The following ARMH3 variants were observed in gnomAD, a reference collection of about 807,000 sequenced individuals.
ARMH3 encodes armadillo-like helical domain-containing protein 3.
A neutral mutation model predicts 99.1 loss-of-function variants in ARMH3; 60 were observed. That is an observed-to-expected ratio of 0.61 (90% CI 0.49 to 0.75). ARMH3 has a LOEUF of 0.75. ARMH3 is among the 30% of genes least tolerant of loss of function. The pLI, the probability that ARMH3 is intolerant of heterozygous loss-of-function variation, is 0.00. For missense variants in ARMH3, 679 were observed against 843.1 expected (o/e 0.81, Z 2.41); for synonymous variants, 285 against 292.8 (o/e 0.97, Z 0.27).
chr10:102,033,395 G>T, intron 2 of ARMH3, 56 bp from the exon 3 acceptor site: 2 of 1,525,262 alleles, frequency 1.3e-6, no homozygotes, highest in South Asian at 2.3e-5. Context: ...AAAGCATTAA[G>T]AATACTATAC....
At chr10:101,861,851 C>T (rs1403436737) in intron 24 of ARMH3, among the ~76,000 whole-genome samples, 1 of 136,786 alleles carries the variant, frequency 7.3e-6, no homozygotes, top group Non-Finnish European at 1.5e-5. Context: ...GCTAACACAG[C>T]GAAACGCCAT....
Position 101,995,438 on chromosome 10 carries a change from T to C in ARMH3, c.1151-83A>G, listed in dbSNP as rs759018246. The C allele has an allele frequency of 1.9e-4, 219 of 1,164,558 alleles. 1 individual carries two copies. Among genetic ancestry groups the C allele is most frequent in the Non-Finnish European group, 2.6e-4 (208 of 797,374 alleles). The allele number at this position is 1,164,558 out of a possible 1,614,324, so 72.1% of individuals were successfully genotyped here. A position where few individuals can be genotyped will look rare whatever the true frequency, so the allele number is the denominator to read the frequency against. ...CAATACAGAACAAGGACGTATATCA[T>C]AAAAGGAAACATTCACACTTTCTCT... On this transcript the variant is annotated intron_variant, in intron 15 of 25. Coordinates refer to ENST00000370033, the MANE Select transcript of ARMH3 (RefSeq NM_024541.3).
intron 23 of ARMH3, among the ~76,000 whole-genome samples, chr10:101,925,294 T>A (rs1228590456): frequency 1.3e-5 from 2 of 152,238 alleles, no homozygotes; most frequent in African/African-American, 4.8e-5. Flanking sequence ...CAGTTCTAGA[T>A]GTCATTCAAT....
chr10:101,877,491 C>A (rs1194433139), intron 24 of ARMH3, among the ~76,000 whole-genome samples: 1 of 152,072 alleles, frequency 6.6e-6, no homozygotes, highest in Non-Finnish European at 1.5e-5. Context: ...GAAACCCCAT[C>A]TCTACTAAAA....
At chr10:101,916,365 C>T (rs1211603141) in intron 23 of ARMH3, among the ~76,000 whole-genome samples, 1 of 151,960 alleles carries the variant, frequency 6.6e-6, no homozygotes. Context: ...TACCCCCCAC[C>T]CCCATCCCAG....
At chr10:101,956,772 A>G in intron 21 of ARMH3, 49 bp from the exon 22 acceptor site, 3 of 1,590,850 alleles carry the variant, frequency 1.9e-6, no homozygotes, top group South Asian at 1.1e-5. Context: ...TATGAAGACT[A>G]AAAATTATCA....
chr10:102,022,299 C>A (rs1045717013), intron 8 of ARMH3, among the ~76,000 whole-genome samples: 1 of 151,202 alleles, frequency 6.6e-6, no homozygotes, highest in Non-Finnish European at 1.5e-5. Flanking sequence ...TCATCATACT[C>A]AATAGGGGAA....
intron 23 of ARMH3, among the ~76,000 whole-genome samples, chr10:101,906,366 C>G (rs1333386082): frequency 6.6e-6 from 1 of 152,200 alleles, no homozygotes; most frequent in Non-Finnish European, 1.5e-5. Flanking sequence ...CTAACATATA[C>G]TCCCACCAGC....
In ARMH3 at chr10:101,878,171, T is replaced by A. The variant is rs577234852; in HGVS notation, c.1860+11241A>T. Among the ~76,000 whole-genome samples, 33 of 152,096 alleles carry A rather than the reference T, an allele frequency of 2.2e-4. 1 individual carries two copies. The highest frequency in any genetic ancestry group is 6.3e-4 in the African/African-American group (26 of 41,476). On this transcript the variant is annotated intron_variant, in intron 24 of 25. Transcript: ENST00000370033. ...TACTCGGGAGGTTACGATAGGAGAA[T>A]TGCTAGAACCCAGGAGGCAGAGGTT...
At chr10:101,975,049 T>TAAAAAAAAAAAAAAAAAAAA (rs11399489) in intron 20 of ARMH3, among the ~76,000 whole-genome samples, 163 bp downstream of exon 20, 24 of 29,638 alleles carry the variant, frequency 8.1e-4, no homozygotes, top group East Asian at 2.9e-3. Context: ...AGCTAAAACG[T>TAAAAAAAAAAAAAAAAAAAA]AAAAAAAAAA....
intron 24 of ARMH3, among the ~76,000 whole-genome samples, chr10:101,873,514 T>C (rs1284181010): frequency 6.6e-6 from 1 of 152,196 alleles, no homozygotes; most frequent in Non-Finnish European, 1.5e-5. Flanking sequence ...ATAAAATTCA[T>C]TCGCTTAAAG....
Position 102,025,100 on chromosome 10 carries a change from C to A in ARMH3, c.507+56G>T. ...CCTTCTATCTTTGGGCTCAAGTATT[C>A]AAACAGGATTGCCCCTCCTGTCAAT... On this transcript the variant is annotated intron_variant, in intron 6 of 25. Transcript: ENST00000370033. 3 of 1,410,846 alleles carry A rather than the reference C, an allele frequency of 2.1e-6. No individual in the cohort carries two copies. In the South Asian group the frequency reaches 3.5e-5, roughly 16 times the overall value. The allele number at this position is 1,410,846 out of a possible 1,614,324, so 87.4% of individuals were successfully genotyped here.
At chr10:101,949,049 C>T (rs530489002) in intron 22 of ARMH3, among the ~76,000 whole-genome samples, 2 of 151,668 alleles carry the variant, frequency 1.3e-5, no homozygotes, top group East Asian at 3.9e-4. Flanking sequence ...ACTTGAAAGA[C>T]AATAAAAATA....
intron 22 of ARMH3, among the ~76,000 whole-genome samples, chr10:101,946,366 C>T (rs1844532493): frequency 6.6e-6 from 1 of 152,030 alleles, no homozygotes; most frequent in Non-Finnish European, 1.5e-5. Flanking sequence ...AGAAGTAAAG[C>T]TGGGCACAGT....
intron 8 of ARMH3, among the ~76,000 whole-genome samples, chr10:102,018,988 A>G (rs2066814579): frequency 6.6e-6 from 1 of 152,146 alleles, no homozygotes; most frequent in Admixed American, 6.6e-5. Context: ...ACAATCATGT[A>G]TAGTACCTAC....
chr10:101,922,190 T>C (rs1212299949), intron 23 of ARMH3, among the ~76,000 whole-genome samples: 6 of 152,182 alleles, frequency 3.9e-5, no homozygotes, highest in Non-Finnish European at 5.9e-5. Context: ...TATATCAATA[T>C]CTCAATTAAA....
intron 19 of ARMH3, among the ~76,000 whole-genome samples, chr10:101,987,465 C>T (rs1246852236): frequency 6.6e-6 from 1 of 152,166 alleles, no homozygotes. Flanking sequence ...ATTAAGAGAA[C>T]AGCCTCCGGG....
intron 5 of ARMH3, among the ~76,000 whole-genome samples, chr10:102,028,446 T>C (rs1173061355): frequency 6.6e-6 from 1 of 152,176 alleles, no homozygotes; most frequent in Admixed American, 6.5e-5. Context: ...TGAACATTCA[T>C]AGCAGCATTA....
chr10:101,852,884 C>A (rs1022424946), intron 24 of ARMH3, among the ~76,000 whole-genome samples: 7 of 148,178 alleles, frequency 4.7e-5, no homozygotes, highest in African/African-American at 1.7e-4. Context: ...GTGGCCCTTT[C>A]TTTTTTTTTT....
Sources: gnomAD v4.1 joint callset for allele counts (sites outside exome capture counted in the v4.1 genomes callset) on GRCh38, gnomAD v4.1.1 for gene constraint, MANE v1.5 for transcripts, NCBI Gene and HGNC (gene_info 2026-07-23, HGNC 2026-07-21) for gene names.